The following EP400 variants were observed in gnomAD, a reference collection of about 807,000 sequenced individuals.
The protein encoded by EP400 is E1A binding protein p400, also known as E1A-binding protein p400.
Under a neutral mutation model 354.1 loss-of-function variants are expected in EP400, and 105 were observed. The observed-to-expected ratio is 0.30, with a 90% CI of 0.25 to 0.35. EP400 has a LOEUF of 0.35. EP400 is among the 10% of genes least tolerant of loss of function. EP400 has a pLI of 1.00. For missense variants in EP400, 3,280 were observed against 4,121.0 expected (o/e 0.80, Z 5.59); for synonymous variants, 1,646 against 1,716.9 (o/e 0.96, Z 1.02).
rs1001275040 is a variant in EP400, at chr12:131,991,580, T to C, written c.2679+124T>C. The stretch of plus-strand genomic sequence containing the variant: ...GACTATTACTTCCTTTCTTTTCTTT[T>C]TTTTTTTTTTTTGTTTTAGAGACAG... On this transcript the variant is annotated intron_variant, in intron 10 of 52. Coordinates refer to ENST00000389561, the MANE Select transcript of EP400 (RefSeq NM_015409.5). 4.6e-5 allele frequency: 38 copies of C among 831,462 alleles called. No individual in the cohort carries two copies. In the Admixed American group the frequency reaches 9.5e-4, roughly 21 times the overall value. 51.5% of individuals were successfully genotyped at this position (831,462 alleles called of 1,614,324 possible).
At position 131,990,812 on chromosome 12, in the gene EP400, A is replaced by C; in HGVS notation, c.2629+98A>C. 1.2e-6 allele frequency: 1 copy of C among 833,842 alleles called. No homozygotes were observed. The highest frequency in any genetic ancestry group is 2.0e-6 in the Non-Finnish European group (1 of 509,560). The allele number at this position is 833,842 out of a possible 1,614,324, so 51.7% of individuals were successfully genotyped here. On this transcript the variant is annotated intron_variant, in intron 9 of 52. Transcript: ENST00000389561. This position sits in a 1 kb window ranked among gnomAD's most constrained non-coding sequence, Gnocchi z 4.2. ...CTCCTGGCGCTGTGGCTTCCCACAGAGGACATCTGCTCATCAGCCAGCTGC... is the reference window on the plus strand; with the variant it reads ...CTCCTGGCGCTGTGGCTTCCCACAGCGGACATCTGCTCATCAGCCAGCTGC...
At chr12:132,051,059 A>G (rs1006836042) in intron 41 of EP400, 3 of 277,686 alleles carry the variant, frequency 1.1e-5, no homozygotes, top group African/African-American at 6.5e-5. Context: ...ATACAGGGGA[A>G]AAGAGGAATG....
In EP400 at chr12:132,047,790, T is replaced by C. The variant is rs914937169; in HGVS notation, c.7200+1890T>C. Among the ~76,000 whole-genome samples, 14 of 152,240 alleles carry C rather than the reference T, an allele frequency of 9.2e-5. 1 individual carries two copies. Among genetic ancestry groups the C allele is most frequent in the Non-Finnish European group, 1.8e-4 (12 of 68,054 alleles). The stretch of plus-strand genomic sequence containing the variant: ...AATTTATTAGGCAGGAATTTCCTCA[T>C]CCTGATAAGCCTGGGAGGGCTACAG... On this transcript the variant is annotated intron_variant, in intron 39 of 52. Transcript: ENST00000389561.
intron 32 of EP400, among the ~76,000 whole-genome samples, chr12:132,042,139 C>T (rs535657824): frequency 2.6e-5 from 4 of 151,964 alleles, no homozygotes; most frequent in African/African-American, 7.2e-5. Flanking sequence ...TTAATAGAGA[C>T]GTGGTTTCTC....
intron 47 of EP400, among the ~76,000 whole-genome samples, chr12:132,063,784 C>T (rs144099362): frequency 6.6e-6 from 1 of 152,158 alleles, no homozygotes; most frequent in Non-Finnish European, 1.5e-5. Flanking sequence ...TCCTGTCACA[C>T]CAGCCATCCC....
chr12:132,073,930 T>C (rs1315512654), intron 51 of EP400, among the ~76,000 whole-genome samples: 2 of 129,958 alleles, frequency 1.5e-5, no homozygotes, highest in South Asian at 5.3e-4. Context: ...TTTTTTTTTT[T>C]TTTTTTTTTT....
chr12:132,053,580 G>A lies in EP400; in HGVS notation c.7711G>A (p.Gly2571Ser), dbSNP rs1223229811. ...AKAQPAITTG[G>S]SAAVLAGTIK... ...GGCGCAGCCCGCAATCACGACGGGG[G>A]GCAGTGCAGCCGTACTGGTGAGCAG... Residue 2571 changes from glycine (G) to serine (S), a missense_variant, in exon 43 of 53, where the codon GGC (glycine) becomes AGC (serine). This residue lies in a region of EP400 where 255 missense variants were observed against 295.9 expected (regional missense o/e 0.86). Transcript: ENST00000389561. 5 of 1,564,314 alleles carry A rather than the reference G, an allele frequency of 3.2e-6. No homozygotes were observed. The highest frequency in any genetic ancestry group is 1.8e-5 in the Admixed American group (1 of 56,644).
chr12:131,958,787 C>T (rs1785498904), intron 1 of EP400, among the ~76,000 whole-genome samples: 1 of 152,192 alleles, frequency 6.6e-6, no homozygotes, highest in African/African-American at 2.4e-5. Context: ...TCCCCAGGTG[C>T]TGGCATTACA....
chr12:132,013,492 A>G lies in EP400; in HGVS notation c.3614A>G (p.Gln1205Arg), dbSNP rs746791040. The part of the protein sequence containing the change: ...HWEAVFTLQS[Q>R]QRLLLIDSPL... ...GTTGTCTCTTGTCCTGTTTGCAGCC[A>G]ACAACGTCTGCTTCTGATCGACTCG... Residue 1205 changes from glutamine (Q) to arginine (R), a missense_variant and splice_region_variant, in exon 18 of 53, where the codon CAA becomes CGA. Coordinates refer to ENST00000389561, the MANE Select transcript of EP400 (RefSeq NM_015409.5). This position sits in a 1 kb window ranked among gnomAD's most constrained non-coding sequence, Gnocchi z 4.5. 1.3e-6 allele frequency: 2 copies of G among 1,560,026 alleles called. No individual in the cohort carries two copies. Among genetic ancestry groups the G allele is most frequent in the African/African-American group, 2.7e-5 (2 of 73,138 alleles).
At chr12:131,986,940 A>G in intron 6 of EP400, 133 bp downstream of exon 6, 2 of 1,128,880 alleles carry the variant, frequency 1.8e-6, no homozygotes. Flanking sequence ...AGTAGACACA[A>G]GATGAAAACC....
rs1893974676 is a variant in EP400 at position 132,017,262 on chromosome 12, A to G, written c.3924-273A>G. 6.6e-6 allele frequency among the ~76,000 whole-genome samples: 1 copy of G among 152,220 alleles called. No homozygotes were observed. Among genetic ancestry groups the G allele is most frequent in the South Asian group, 2.1e-4 (1 of 4,834 alleles). On this transcript the variant is annotated intron_variant, in intron 19 of 52. Transcript: ENST00000389561. The surrounding 1 kb of genome is among the most constrained non-coding windows in gnomAD (Gnocchi z 5.0). ...CCTTGGATGCCCCCACTTCTCTTTC[A>G]GAGCACTCGGTATGATTGTGAATGA...
chr12:132,018,247 A>G lies in EP400; in HGVS notation c.4148A>G (p.Glu1383Gly). 6.2e-7 allele frequency: 1 copy of G among 1,613,370 alleles called. No individual in the cohort carries two copies. The highest frequency in any genetic ancestry group is 2.2e-5 in the East Asian group (1 of 44,878). Residue 1383 changes from glutamate to glycine, a missense_variant, in exon 21 of 53, where the codon GAA (glutamate) becomes GGA (glycine). By Grantham distance (98) the Glu-to-Gly change is moderately conservative. Transcript: ENST00000389561. This position sits in a 1 kb window ranked among gnomAD's most constrained non-coding sequence, Gnocchi z 4.0. ...DLSMFDLIGLENKITRHEAEL... is the reference protein window; with the variant it reads ...DLSMFDLIGLGNKITRHEAEL... The stretch of plus-strand genomic sequence containing the variant: ...TCTATGTTTGATCTCATCGGCTTAG[A>G]AAATAAAATCACTCGTCACGAGGCA...
At chr12:132,055,068 G>T (rs768045455) in intron 44 of EP400, 31 bp from the exon 45 acceptor site, 2 of 1,613,814 alleles carry the variant, frequency 1.2e-6, no homozygotes, top group Non-Finnish European at 8.5e-7. Flanking sequence ...TTCTCCTGGC[G>T]CTGTTGCCTT....
At chr12:131,984,221 T>A (rs1284909918) in intron 5 of EP400, among the ~76,000 whole-genome samples, 1 of 152,166 alleles carries the variant, frequency 6.6e-6, no homozygotes, top group Non-Finnish European at 1.5e-5. Flanking sequence ...TGTTTGAGAT[T>A]TATGGCAAAG....
intron 38 of EP400, 40 bp downstream of exon 38, chr12:132,045,600 T>G: frequency 6.2e-7 from 1 of 1,609,770 alleles, no homozygotes; most frequent in Non-Finnish European, 8.5e-7. Flanking sequence ...TCATGTGCGG[T>G]CATTTTTCTA....
intron 2 of EP400, among the ~76,000 whole-genome samples, chr12:131,978,106 C>G (rs1337449546): frequency 6.6e-6 from 1 of 152,146 alleles, no homozygotes; most frequent in African/African-American, 2.4e-5. Flanking sequence ...CAAGAGTTGG[C>G]TAGTTTCTGT....
At chr12:132,043,235 A>G in intron 32 of EP400, 69 bp from the exon 33 acceptor site, 5 of 1,537,956 alleles carry the variant, frequency 3.3e-6, no homozygotes, top group Non-Finnish European at 4.4e-6. Context: ...TTTACATGGG[A>G]TAGCTCTTTT....
chr12:132,004,544 G>GTGT (rs1417510788), intron 12 of EP400, among the ~76,000 whole-genome samples: 2 of 151,808 alleles, frequency 1.3e-5, no homozygotes, highest in East Asian at 3.8e-4. Flanking sequence ...CCTATCAATG[G>GTGT]TGTTCACTTT....
intron 39 of EP400, among the ~76,000 whole-genome samples, chr12:132,048,272 A>G (rs1388724475): frequency 4.6e-5 from 7 of 152,350 alleles, no homozygotes; most frequent in African/African-American, 1.7e-4. Flanking sequence ...ATAAGTGTCC[A>G]TGAAATCTTC....
Sources: allele counts gnomAD v4.1 joint callset (sites outside exome capture counted in the v4.1 genomes callset), GRCh38; gene constraint gnomAD v4.1.1; regional missense constraint gnomAD v4.1.1; non-coding constraint Gnocchi (gnomAD v3.1); transcripts MANE v1.5; gene names NCBI Gene and HGNC (gene_info 2026-07-23, HGNC 2026-07-21).